The following F3 variants were observed in gnomAD, a reference collection of about 807,000 sequenced individuals.
F3 encodes tissue factor.
In F3, 18 loss-of-function variants were observed where a neutral mutation model predicts 33.5. That is an observed-to-expected ratio of 0.54 (90% CI 0.37 to 0.80). The LOEUF is 0.80. Ranked by LOEUF, F3 falls within the 30% of genes least tolerant of loss-of-function variation. The probability of loss-of-function intolerance (pLI) is 0.00; values close to 1 mark genes in which losing one functional copy is unlikely to be tolerated. For synonymous variants in F3, 147 were observed against 140.7 expected (o/e 1.05, Z -0.32); for missense variants, 353 against 362.1 (o/e 0.97, Z 0.20).
Position 94,529,200 on chromosome 1 carries a change from A to G in F3, c.*1260T>C, listed in dbSNP as rs1651341433. 1 of 152,672 alleles carries G rather than the reference A, an allele frequency of 6.5e-6. No individual in the cohort carries two copies. The highest frequency in any genetic ancestry group is 2.4e-5 in the African/African-American group (1 of 41,472). 9.5% of individuals were successfully genotyped at this position (152,672 alleles called of 1,614,324 possible). A position where few individuals can be genotyped will look rare whatever the true frequency, so the allele number is the denominator to read the frequency against. ...CAGTCACCAAAATGTATTATAAGCG[A>G]AAAAGATACGTTGTTGTAAGCCACT... On this transcript the variant is annotated 3_prime_UTR_variant, in exon 6 of 6. Transcript: ENST00000334047.
intron 1 of F3, 53 bp downstream of exon 1, chr1:94,541,484 C>A: frequency 7.4e-7 from 1 of 1,346,124 alleles, no homozygotes; most frequent in South Asian, 1.5e-5. Context: ...AGGACTGTCG[C>A]CTCCCTCCTG....
rs3917612 is a variant in F3, at chr1:94,537,255, G to A, written c.213-1091C>T. ...TTCTAAATGACCAAAATAATAAATAGGTGAAGCGTCACTGCAACTTGATTC... is the reference window on the plus strand; with the variant it reads ...TTCTAAATGACCAAAATAATAAATAAGTGAAGCGTCACTGCAACTTGATTC... On this transcript the variant is annotated intron_variant, in intron 2 of 5. Coordinates refer to ENST00000334047, the MANE Select transcript of F3 (RefSeq NM_001993.5). Among the ~76,000 whole-genome samples the A allele has an allele frequency of 2.8e-3, 421 of 152,264 alleles. 1 individual carries two copies. Among genetic ancestry groups the A allele is most frequent in the African/African-American group, 9.8e-3 (408 of 41,526 alleles).
At position 94,529,803 on chromosome 1, in the gene F3, G is replaced by C. The variant is rs966787616; in HGVS notation, c.*657C>G. 2.0e-5 allele frequency: 3 copies of C among 152,086 alleles called. No homozygotes were observed. Among genetic ancestry groups the C allele is most frequent in the Non-Finnish European group, 4.4e-5 (3 of 68,028 alleles). 9.4% of individuals were successfully genotyped at this position (152,086 alleles called of 1,614,324 possible). ...CTCAAAAGCTTTTCGGCTGGGCATGGTGGTTCACGCCCATAATACTAGCAC... is the reference window on the plus strand; with the variant it reads ...CTCAAAAGCTTTTCGGCTGGGCATGCTGGTTCACGCCCATAATACTAGCAC... On this transcript the variant is annotated 3_prime_UTR_variant, in exon 6 of 6. Transcript: ENST00000334047.
rs1429459266 is a variant in F3, at chr1:94,532,331, C to T, written c.741G>A (p.Gly247=). Residue 247 remains glycine (G), a synonymous_variant, in exon 5 of 6, where the codon GGG becomes GGA. Coordinates refer to ENST00000334047, the MANE Select transcript of F3 (RefSeq NM_001993.5). ...SPVECMGQEK[G]EFREIFYIIG... ...GGCAGAGCCACTCACCTCTGAATTC[C>T]CCTTTCTCCTGGCCCATACACTCTA... 1.2e-6 allele frequency: 2 copies of T among 1,613,700 alleles called. No homozygotes were observed. Among genetic ancestry groups the T allele is most frequent in the Admixed American group, 3.3e-5 (2 of 59,946 alleles).
At chr1:94,533,394 T>G in intron 3 of F3, 126 bp from the exon 4 acceptor site, 1 of 1,184,878 alleles carries the variant, frequency 8.4e-7, no homozygotes, top group Non-Finnish European at 1.2e-6. Flanking sequence ...ACCAGCTCCC[T>G]GAAAGAAGCA....
intron 2 of F3, among the ~76,000 whole-genome samples, chr1:94,537,895 T>C (rs747366929): frequency 6.6e-6 from 1 of 152,236 alleles, no homozygotes; most frequent in African/African-American, 2.4e-5. Context: ...TTTTTATCAG[T>C]ACAGCAAATA....
At chr1:94,530,700 C>A in intron 5 of F3, 104 bp from the exon 6 acceptor site, 1 of 1,393,714 alleles carries the variant, frequency 7.2e-7, no homozygotes, top group Non-Finnish European at 9.9e-7. Context: ...TATTTTTGTG[C>A]AATTTGACTT....
chr1:94,530,325 C>A lies in F3; in HGVS notation c.*135G>T. On this transcript the variant is annotated 3_prime_UTR_variant, in exon 6 of 6. Coordinates refer to ENST00000334047, the MANE Select transcript of F3 (RefSeq NM_001993.5). Reference sequence around the variant, plus strand: ...CAGAATGCTAATGGTAATAACAGGTCATATCAAGAGTTTTTTGAACTCCAG... The same window carrying A: ...CAGAATGCTAATGGTAATAACAGGTAATATCAAGAGTTTTTTGAACTCCAG... 1 of 1,053,258 alleles carries A rather than the reference C, an allele frequency of 9.5e-7. No homozygotes were observed. Among genetic ancestry groups the A allele is most frequent in the Non-Finnish European group, 1.4e-6 (1 of 724,228 alleles). The allele number at this position is 1,053,258 out of a possible 1,614,324, so 65.2% of individuals were successfully genotyped here.
intron 2 of F3, among the ~76,000 whole-genome samples, chr1:94,537,478 A>C (rs1315450662): frequency 6.6e-6 from 1 of 152,102 alleles, no homozygotes; most frequent in South Asian, 2.1e-4. Context: ...GTTAATATGA[A>C]CACAGTCTGC....
In F3 at chr1:94,540,316, G is replaced by C; in HGVS notation, c.153C>G (p.Phe51Leu). The C allele has an allele frequency of 6.2e-7, 1 of 1,614,040 alleles. No homozygotes were observed. Among genetic ancestry groups the C allele is most frequent in the Non-Finnish European group, 8.5e-7 (1 of 1,179,968 alleles). ...TGGGTTCCCACTCCAAAATTGTCTTGAAATTAGTTGATTTCCAAGTTAAAT... is the reference window on the plus strand; with the variant it reads ...TGGGTTCCCACTCCAAAATTGTCTTCAAATTAGTTGATTTCCAAGTTAAAT... ...AYNLTWKSTN[F>L]KTILEWEPKP... Residue 51 changes from phenylalanine (F) to leucine (L), a missense_variant, in exon 2 of 6, where the codon TTC (phenylalanine) becomes TTG (leucine). Coordinates refer to ENST00000334047, the MANE Select transcript of F3 (RefSeq NM_001993.5).
chr1:94,535,987 T>C lies in F3; in HGVS notation c.390A>G (p.Pro130=). The change falls in exon 3 of 6, where the codon CCA becomes CCG. Residue 130 remains proline (P), a synonymous_variant. Coordinates refer to ENST00000334047, the MANE Select transcript of F3 (RefSeq NM_001993.5). The part of the protein sequence containing the change: ...SAGEPLYENS[P]EFTPYLETNL... ...TACTCTCCAGGTAAGGTGTGAACTC[T>C]GGGGAGTTCTCATACAGAGGCTCCC... 2.5e-6 allele frequency: 4 copies of C among 1,614,194 alleles called. No individual in the cohort carries two copies. Among genetic ancestry groups the C allele is most frequent in the Non-Finnish European group, 3.4e-6 (4 of 1,180,022 alleles).
chr1:94,533,232 T>C lies in F3; in HGVS notation c.449A>G (p.Gln150Arg). The change falls in exon 4 of 6, where the codon CAG becomes CGG. Residue 150 changes from glutamine to arginine, a missense_variant. Transcript: ENST00000334047. ...GGTCACATTCACTTTTGTTCCCACCTGTTCAAAACTCTGAATTGTTGGCTG... is the reference window on the plus strand; with the variant it reads ...GGTCACATTCACTTTTGTTCCCACCCGTTCAAAACTCTGAATTGTTGGCTG... ...LGQPTIQSFE[Q>R]VGTKVNVTVE... is the part of the protein sequence containing the mutation. The C allele has an allele frequency of 1.2e-6, 2 of 1,613,188 alleles. No homozygotes were observed. Among genetic ancestry groups the C allele is most frequent in the Non-Finnish European group, 1.7e-6 (2 of 1,179,836 alleles).
At chr1:94,538,798 G>A (rs962688314) in intron 2 of F3, among the ~76,000 whole-genome samples, 14 of 152,286 alleles carry the variant, frequency 9.2e-5, no homozygotes, top group African/African-American at 2.6e-4. Context: ...TCAGGCCGAG[G>A]CTGATGGAAA....
chr1:94,540,351 C>T lies in F3; in HGVS notation c.118G>A (p.Ala40Thr), dbSNP rs148395733. 2.2e-4 allele frequency: 348 copies of T among 1,613,504 alleles called. No individual in the cohort carries two copies. The African/African-American group carries it at 4.0e-3, about 18-fold the overall frequency. Residue 40 changes from alanine to threonine, a missense_variant, in exon 2 of 6, where the codon GCA (alanine) becomes ACA (threonine). Transcript: ENST00000334047. ...AGASGTTNTVAAYNLTWKSTN... is the reference protein window; with the variant it reads ...AGASGTTNTVTAYNLTWKSTN... ...GATTTCCAAGTTAAATTATATGCTG[C>T]CACAGTATTTGTAGTGCCTTTAAAC...
Position 94,541,733 on chromosome 1 carries a change from G to A in F3, c.-97C>T. On this transcript the variant is annotated 5_prime_UTR_variant, in exon 1 of 6. Coordinates refer to ENST00000334047, the MANE Select transcript of F3 (RefSeq NM_001993.5). The stretch of plus-strand genomic sequence containing the variant: ...GCCCTGGGCCGGCCAGAGGGAGTGC[G>A]AGGGGGTGCGGGGAGCTCGCAGTCT... The A allele has an allele frequency of 1.5e-6, 1 of 683,260 alleles. No homozygotes were observed. The highest frequency in any genetic ancestry group is 4.3e-5 in the Admixed American group (1 of 23,114). The allele number at this position is 683,260 out of a possible 1,614,324, so 42.3% of individuals were successfully genotyped here.
At chr1:94,534,598 C>T (rs3917618) in intron 3 of F3, among the ~76,000 whole-genome samples, 1,680 of 152,158 alleles carry the variant, frequency 0.011, 36 homozygotes, top group African/African-American at 0.039. Context: ...GCATAAACTA[C>T]GATATTTTAG....
chr1:94,538,311 A>C (rs535428106), intron 2 of F3, among the ~76,000 whole-genome samples: 1 of 152,370 alleles, frequency 6.6e-6, no homozygotes, highest in Non-Finnish European at 1.5e-5. Context: ...GCTAAGGCTT[A>C]AGCCAATAAC....
intron 2 of F3, among the ~76,000 whole-genome samples, 193 bp from the exon 3 acceptor site, chr1:94,536,357 T>C (rs1355081205): frequency 6.6e-6 from 1 of 152,204 alleles, no homozygotes; most frequent in East Asian, 1.9e-4. Context: ...TCCTGCTATG[T>C]TGCCCAGGCT....
intron 3 of F3, among the ~76,000 whole-genome samples, chr1:94,535,653 T>A (rs1651580122): frequency 1.3e-5 from 2 of 151,992 alleles, no homozygotes; most frequent in Non-Finnish European, 2.9e-5. Context: ...CTTGGTGGAT[T>A]TCCTATCCCT....
Sources: gnomAD v4.1 joint callset for allele counts (sites outside exome capture counted in the v4.1 genomes callset) on GRCh38, gnomAD v4.1.1 for gene constraint, MANE v1.5 for transcripts, NCBI Gene and HGNC (gene_info 2026-07-23, HGNC 2026-07-21) for gene names.